Variants in COL5A2 observed in about 807,000 individuals in gnomAD.
COL5A2 encodes the protein collagen alpha-2(V) chain.
A neutral mutation model predicts 208.2 loss-of-function variants in COL5A2; 23 were observed. The observed-to-expected ratio is 0.11, with a 90% CI of 0.08 to 0.16. The LOEUF is 0.16. Among genes scored for constraint, COL5A2 ranks in the 10% least tolerant of loss-of-function variants. The pLI, the probability that COL5A2 is intolerant of heterozygous loss-of-function variation, is 1.00. For missense variants in COL5A2, 1,590 were observed against 1,956.4 expected, an observed-to-expected ratio of 0.81 and a Z score of 3.53; for synonymous variants, 625 against 628.5, an observed-to-expected ratio of 0.99 and a Z score of 0.08.
the COL5A2 span, among the ~76,000 whole-genome samples, chr2:189,409,697 C>T: frequency 6.6e-6 from 1 of 152,054 alleles, no homozygotes; most frequent in African/African-American, 2.4e-5. Context: ...CTTTATAACA[C>T]CTTTTTATAA....
chr2:189,100,687 A>G (rs995595940), intron 3 of COL5A2, among the ~76,000 whole-genome samples: 2 of 151,960 alleles, frequency 1.3e-5, no homozygotes, highest in African/African-American at 2.4e-5. Flanking sequence ...AATAAAAAGA[A>G]AGAAAAAAAT....
At chr2:189,102,213 G>C (rs764060527) in intron 3 of COL5A2, among the ~76,000 whole-genome samples, 12 of 151,984 alleles carry the variant, frequency 7.9e-5, no homozygotes, top group Admixed American at 5.9e-4. Context: ...GCTAAGAATA[G>C]TTGTGAAATT....
rs1685451183 is a variant in COL5A2, at chr2:189,036,730, T to A, written c.3999A>T (p.Gly1333=). ...AIKVYCNMET[G]ETCISANPSS... The stretch of plus-strand genomic sequence containing the variant: ...ATGGGTTTGCTGAAATACATGTTTC[T>A]CCTGTTTCCATGTTGCAGTAAACTT... The change falls in exon 52 of 54, where the codon GGA becomes GGT. Residue 1333 remains glycine (G), a synonymous_variant. Coordinates refer to ENST00000374866, the MANE Select transcript of COL5A2 (RefSeq NM_000393.5). 6.2e-7 allele frequency: 1 copy of A among 1,613,766 alleles called. No homozygotes were observed. The highest frequency in any genetic ancestry group is 1.1e-5 in the South Asian group (1 of 91,058).
At chr2:189,413,202 A>G in the COL5A2 span, among the ~76,000 whole-genome samples, 5 of 152,348 alleles carry the variant, frequency 3.3e-5, no homozygotes, top group Non-Finnish European at 7.4e-5. Flanking sequence ...TTTAGCCTAT[A>G]GATCAGGGAA....
At chr2:189,154,379 C>G (rs578158038) in intron 1 of COL5A2, among the ~76,000 whole-genome samples, 2 of 152,170 alleles carry the variant, frequency 1.3e-5, no homozygotes, top group Admixed American at 1.3e-4. Context: ...TGCGCTCATT[C>G]GCTAGGAGAA....
At chr2:189,229,604 C>T (rs763173305), upstream of COL5A2, among the ~76,000 whole-genome samples, 3 of 151,470 alleles carry the variant, frequency 2.0e-5, no homozygotes, top group South Asian at 6.2e-4. Flanking sequence ...ACAATAAAAT[C>T]CTTAGGAAAA....
the COL5A2 span, among the ~76,000 whole-genome samples, chr2:189,394,454 T>C: frequency 6.6e-6 from 1 of 152,172 alleles, no homozygotes; most frequent in Non-Finnish European, 1.5e-5. Context: ...ATAAAGGGAT[T>C]AGCGCCCATC....
chr2:189,304,968 T>A, the COL5A2 span, among the ~76,000 whole-genome samples: 1 of 152,126 alleles, frequency 6.6e-6, no homozygotes, highest in East Asian at 1.9e-4. Context: ...AAATAAGGAC[T>A]GAGAAATGAC....
intron 1 of COL5A2, among the ~76,000 whole-genome samples, chr2:189,188,510 T>C (rs1205539391): frequency 1.3e-5 from 2 of 152,206 alleles, no homozygotes; most frequent in Non-Finnish European, 2.9e-5. Flanking sequence ...TAATAAATCT[T>C]GAGACATGGA....
At chr2:189,277,648 G>A in the COL5A2 span, among the ~76,000 whole-genome samples, 48 of 152,038 alleles carry the variant, frequency 3.2e-4, no homozygotes, top group African/African-American at 9.2e-4. Flanking sequence ...AGGATTCTAC[G>A]GACACACAAT....
At chr2:189,157,335 G>A (rs1163783682) in intron 1 of COL5A2, among the ~76,000 whole-genome samples, 3 of 151,726 alleles carry the variant, frequency 2.0e-5, no homozygotes, top group Non-Finnish European at 4.4e-5. Flanking sequence ...ACGTCTGGAA[G>A]TTTAACCCAA....
the COL5A2 span, among the ~76,000 whole-genome samples, chr2:189,260,161 G>A: frequency 6.6e-6 from 1 of 152,064 alleles, no homozygotes; most frequent in African/African-American, 2.4e-5. Flanking sequence ...CAAAAAAACT[G>A]CTATAAGCTA....
At chr2:189,139,226 G>A (rs549472215) in intron 1 of COL5A2, among the ~76,000 whole-genome samples, 1 of 152,222 alleles carries the variant, frequency 6.6e-6, no homozygotes, top group Non-Finnish European at 1.5e-5. Context: ...AGGGAGCTGA[G>A]ATCACGCCAT....
intron 52 of COL5A2, 96 bp from the exon 53 acceptor site, chr2:189,035,251 A>T: frequency 1.3e-6 from 2 of 1,487,772 alleles, no homozygotes; most frequent in Non-Finnish European, 1.8e-6. Context: ...TTTCAGATAA[A>T]TCAATTTTGA....
chr2:189,162,911 C>A (rs1407117768), intron 1 of COL5A2, among the ~76,000 whole-genome samples: 1 of 152,008 alleles, frequency 6.6e-6, no homozygotes, highest in East Asian at 1.9e-4. Context: ...GGAGGGCAAG[C>A]AGCATATTCC....
the COL5A2 span, among the ~76,000 whole-genome samples, chr2:189,382,701 G>A: frequency 3.3e-5 from 5 of 152,184 alleles, no homozygotes; most frequent in African/African-American, 4.8e-5. Flanking sequence ...GTCAGCAAAG[G>A]GTGGTGGGAT....
the COL5A2 span, among the ~76,000 whole-genome samples, chr2:189,337,918 G>A: frequency 1.3e-5 from 2 of 152,136 alleles, no homozygotes; most frequent in Non-Finnish European, 1.5e-5. Context: ...AGTAGACAGT[G>A]TTTGAAGGAA....
the COL5A2 span, among the ~76,000 whole-genome samples, chr2:189,288,119 G>C: frequency 1.1e-4 from 16 of 152,002 alleles, no homozygotes; most frequent in Non-Finnish European, 2.9e-5. Context: ...AGGTCCCACA[G>C]TAAGTATCTG....
the COL5A2 span, among the ~76,000 whole-genome samples, chr2:189,294,410 A>G: frequency 3.7e-4 from 56 of 152,324 alleles, no homozygotes; most frequent in African/African-American, 1.2e-3. Context: ...ATTTACCTTA[A>G]TCAACTCTAA....
Sources: gnomAD v4.1 joint callset for allele counts (sites outside exome capture counted in the v4.1 genomes callset) on GRCh38, gnomAD v4.1.1 for gene constraint, MANE v1.5 for transcripts, NCBI Gene and HGNC (gene_info 2026-07-23, HGNC 2026-07-21) for gene names.